Variants in NFIA observed in about 807,000 individuals in gnomAD.
NFIA encodes the protein nuclear factor I A, also known as nuclear factor 1 A-type.
A neutral mutation model predicts 62.8 loss-of-function variants in NFIA; 8 were observed. The ratio of observed to expected loss-of-function variants is 0.13; its 90% CI spans 0.07 to 0.23. The LOEUF (loss-of-function observed/expected upper bound fraction) is 0.23, where lower values mean the gene tolerates loss of function less well. Among genes scored for constraint, NFIA ranks in the 10% least tolerant of loss-of-function variants. The pLI, the probability that NFIA is intolerant of heterozygous loss-of-function variation, is 1.00. For missense variants in NFIA, 410 were observed against 642.1 expected (o/e 0.64, Z 3.91); for synonymous variants, 235 against 238.1 (o/e 0.99, Z 0.12).
chr1:61,329,536 C>G (rs2100386416), intron 3 of NFIA, among the ~76,000 whole-genome samples: 1 of 152,122 alleles, frequency 6.6e-6, no homozygotes. Context: ...GCGCTCGCCA[C>G]CATGCCCAGC....
chr1:61,424,343 C>G (rs1353505103), intron 9 of NFIA, among the ~76,000 whole-genome samples: 3 of 150,916 alleles, frequency 2.0e-5, no homozygotes, highest in African/African-American at 4.9e-5. Context: ...AAAATGACAC[C>G]CCCCCCTCAA....
rs1425466949 is a variant in NFIA at position 61,205,725 on chromosome 1, G to A, written c.560-71795G>A. Among the ~76,000 whole-genome samples, 5 of 152,108 alleles carry A rather than the reference G, an allele frequency of 3.3e-5. No homozygotes were observed. In the East Asian group the frequency reaches 7.7e-4, roughly 24 times the overall value. ...GAGTTCAAACACTTGGTTATCCAAC[G>A]AGACAGGACCAGAGAGGTTTGTTGA... On this transcript the variant is annotated intron_variant, in intron 2 of 10. Coordinates refer to ENST00000403491, the MANE Select transcript of NFIA (RefSeq NM_001134673.4).
chr1:61,132,024 T>C (rs1346326221), intron 2 of NFIA, among the ~76,000 whole-genome samples: 1 of 152,172 alleles, frequency 6.6e-6, no homozygotes, highest in African/African-American at 2.4e-5. Flanking sequence ...AGGAACATAA[T>C]TGTGTTTTGG....
intron 2 of NFIA, among the ~76,000 whole-genome samples, chr1:61,138,296 A>G (rs927345714): frequency 4.6e-5 from 7 of 152,048 alleles, no homozygotes; most frequent in Admixed American, 3.3e-4. Context: ...GGGTCTCACC[A>G]TGTTGCCCAG....
intron 3 of NFIA, among the ~76,000 whole-genome samples, chr1:61,315,603 CAG>C (rs1488336889): frequency 2.0e-5 from 3 of 152,066 alleles, no homozygotes. Flanking sequence ...AATAAAGTAT[CAG>C]AATGATTAGA....
intron 1 of NFIA, among the ~76,000 whole-genome samples, chr1:61,085,212 A>G (rs919039178): frequency 6.6e-5 from 10 of 152,170 alleles, no homozygotes; most frequent in African/African-American, 2.4e-4. Context: ...CTTTACCAAG[A>G]AAAACCTAGA....
intron 2 of NFIA, among the ~76,000 whole-genome samples, chr1:61,151,448 A>G (rs1570270201): frequency 6.6e-6 from 1 of 150,770 alleles, no homozygotes; most frequent in Non-Finnish European, 1.5e-5. Flanking sequence ...GAGAAGGCTC[A>G]GGTTTTCATT....
At chr1:61,091,034 A>G (rs1646310862) in intron 2 of NFIA, among the ~76,000 whole-genome samples, 1 of 152,222 alleles carries the variant, frequency 6.6e-6, no homozygotes, top group African/African-American at 2.4e-5. Flanking sequence ...TACCTCCTTA[A>G]AAGTTTTGAG....
intron 3 of NFIA, among the ~76,000 whole-genome samples, chr1:61,289,958 C>T (rs1387100014): frequency 6.6e-6 from 1 of 151,830 alleles, no homozygotes; most frequent in African/African-American, 2.4e-5. Flanking sequence ...CTCTCATCCA[C>T]CTCATTGCCT....
chr1:61,150,802 G>A (rs1648349556), intron 2 of NFIA, among the ~76,000 whole-genome samples: 1 of 152,118 alleles, frequency 6.6e-6, no homozygotes, highest in East Asian at 1.9e-4. Flanking sequence ...CTAGAAGGAT[G>A]GGTTGAGAAC....
At chr1:61,409,283 CAG>C (rs1665989742) in intron 9 of NFIA, among the ~76,000 whole-genome samples, 1 of 152,212 alleles carries the variant, frequency 6.6e-6, no homozygotes, top group Non-Finnish European at 1.5e-5. Flanking sequence ...ACCGATGACA[CAG>C]AAAGGTTTTT....
chr1:61,356,091 G>C (rs1662937884), intron 5 of NFIA, among the ~76,000 whole-genome samples: 1 of 152,216 alleles, frequency 6.6e-6, no homozygotes, highest in African/African-American at 2.4e-5. Context: ...TTTGGGGCTA[G>C]ATCTAACTGA....
intron 4 of NFIA, among the ~76,000 whole-genome samples, chr1:61,337,425 C>T (rs939270067): frequency 1.4e-4 from 22 of 152,110 alleles, no homozygotes; most frequent in African/African-American, 5.3e-4. Context: ...TATTTGTTCT[C>T]TTGCTAGTTT....
At chr1:61,300,282 G>A (rs1374852822) in intron 3 of NFIA, among the ~76,000 whole-genome samples, 2 of 152,044 alleles carry the variant, frequency 1.3e-5, no homozygotes, top group African/African-American at 2.4e-5. Flanking sequence ...TGAGGTACCT[G>A]ACAGATCTTC....
intron 2 of NFIA, among the ~76,000 whole-genome samples, chr1:61,160,604 A>T (rs929638993): frequency 1.3e-5 from 2 of 152,206 alleles, no homozygotes; most frequent in African/African-American, 4.8e-5. Flanking sequence ...CTGAACTTGG[A>T]CGGTTAAAAC....
rs539671071 is a variant in NFIA at position 61,321,859 on chromosome 1, C to G, written c.626-10653C>G. On this transcript the variant is annotated intron_variant, in intron 3 of 10. Coordinates refer to ENST00000403491, the MANE Select transcript of NFIA (RefSeq NM_001134673.4). ...ACATAGTCCTTTAATTGCTCAATCA[C>G]TTGGAACTTAAAACTCATGAACTTT... Among the ~76,000 whole-genome samples, 5 of 152,142 alleles carry G rather than the reference C, an allele frequency of 3.3e-5. No individual in the cohort carries two copies. The East Asian group carries it at 9.7e-4, about 29-fold the overall frequency.
chr1:61,398,465 C>A (rs1172466716), intron 7 of NFIA, among the ~76,000 whole-genome samples: 1 of 152,156 alleles, frequency 6.6e-6, no homozygotes, highest in Non-Finnish European at 1.5e-5. Flanking sequence ...ATGGAATAGA[C>A]TCTATCAACC....
chr1:61,301,483 T>A (rs924189987), intron 3 of NFIA, among the ~76,000 whole-genome samples: 1 of 152,226 alleles, frequency 6.6e-6, no homozygotes, highest in African/African-American at 2.4e-5. Flanking sequence ...TGGTGTTTTT[T>A]AAGAACTGAT....
chr1:61,334,585 ATATATATATATATATATATATATATATG>A (rs1557713919), intron 4 of NFIA, among the ~76,000 whole-genome samples: 1 of 114,892 alleles, frequency 8.7e-6, no homozygotes, highest in African/African-American at 3.4e-5. Context: ...ATATATATAT[ATATATATATATATATATATATATATATG>A]TATCAGACCA....
Sources: allele counts gnomAD v4.1 joint callset (sites outside exome capture counted in the v4.1 genomes callset), GRCh38; gene constraint gnomAD v4.1.1; transcripts MANE v1.5; gene names NCBI Gene and HGNC (gene_info 2026-07-23, HGNC 2026-07-21).